The following GALNTL6 variants were observed in gnomAD, a reference collection of about 807,000 sequenced individuals.
GALNTL6 encodes polypeptide N-acetylgalactosaminyltransferase like 6, also known as polypeptide N-acetylgalactosaminyltransferase-like 6.
In GALNTL6, 46 loss-of-function variants were observed where a neutral mutation model predicts 73.7. That is an observed-to-expected ratio of 0.62 (90% CI 0.49 to 0.80). The LOEUF (loss-of-function observed/expected upper bound fraction) is 0.80. Among genes scored for constraint, GALNTL6 ranks in the 30% least tolerant of loss-of-function variants. The probability of loss-of-function intolerance (pLI) is 0.00; values close to 1 mark genes in which losing one functional copy is unlikely to be tolerated. For synonymous variants in GALNTL6, 259 were observed against 263.7 expected, an observed-to-expected ratio of 0.98 and a Z score of 0.17; for missense variants, 604 against 755.0, an observed-to-expected ratio of 0.80 and a Z score of 2.34.
intron 5 of GALNTL6, among the ~76,000 whole-genome samples, chr4:172,695,287 G>T (rs2111270169): frequency 6.6e-6 from 1 of 152,298 alleles, no homozygotes; most frequent in Admixed American, 6.5e-5. Flanking sequence ...AACAATGACA[G>T]AAATGATGTA....
At position 171,923,786 on chromosome 4, in the gene GALNTL6, C is replaced by CTCTGTGTGTGTGTG. The variant is rs1189195927; in HGVS notation, c.138+109069_138+109070insCTGTGTGTGTGTGT. Among the ~76,000 whole-genome samples the CTCTGTGTGTGTGTG allele has an allele frequency of 6.2e-3, 829 of 133,290 alleles. 16 individuals are homozygous for CTCTGTGTGTGTGTG. The highest frequency in any genetic ancestry group is 0.023 in the African/African-American group (783 of 34,268). 87.4% of individuals were successfully genotyped at this position (133,290 alleles called of 152,430 possible). A position where few individuals can be genotyped will look rare whatever the true frequency, so the allele number is the denominator to read the frequency against. On this transcript the variant is annotated intron_variant, in intron 2 of 12. Transcript: ENST00000506823. ...CTACCAGGACACACAAAAAGTATTGCTGTGTGTGTGTGTGTGTGTGTGTGT... is the reference window on the plus strand; with the variant it reads ...CTACCAGGACACACAAAAAGTATTGCTCTGTGTGTGTGTGTGTGTGTGTGTGTGTGTGTGTGTGT...
chr4:172,387,148 C>A (rs1181604721), intron 5 of GALNTL6, among the ~76,000 whole-genome samples: 2 of 152,130 alleles, frequency 1.3e-5, no homozygotes, highest in African/African-American at 2.4e-5. Flanking sequence ...CTCCAAATAA[C>A]CTTCTATGGG....
intron 5 of GALNTL6, among the ~76,000 whole-genome samples, chr4:172,563,549 G>A (rs1482670626): frequency 6.6e-6 from 1 of 152,142 alleles, no homozygotes; most frequent in Non-Finnish European, 1.5e-5. Context: ...AATTGTGTTA[G>A]TTACTATACT....
At chr4:172,609,498 G>T (rs977754565) in intron 5 of GALNTL6, among the ~76,000 whole-genome samples, 11 of 152,036 alleles carry the variant, frequency 7.2e-5, no homozygotes, top group South Asian at 2.1e-4. Context: ...AAACCTACTT[G>T]ATCATGGCGC....
chr4:172,307,560 G>T (rs545063205), intron 3 of GALNTL6, among the ~76,000 whole-genome samples: 1 of 152,186 alleles, frequency 6.6e-6, no homozygotes, highest in African/African-American at 2.4e-5. Flanking sequence ...ATCCAGTTTT[G>T]TTCTTCTATA....
chr4:172,277,925 A>G (rs1015096774), intron 3 of GALNTL6, among the ~76,000 whole-genome samples: 2 of 152,148 alleles, frequency 1.3e-5, no homozygotes, highest in Non-Finnish European at 2.9e-5. Context: ...TTAAAACACA[A>G]AGAAGAGTAG....
chr4:171,856,404 C>T (rs555226467), intron 2 of GALNTL6, among the ~76,000 whole-genome samples: 1 of 152,116 alleles, frequency 6.6e-6, no homozygotes, highest in South Asian at 2.1e-4. Context: ...TGTGAGCCAC[C>T]CCACCCTGCT....
intron 2 of GALNTL6, among the ~76,000 whole-genome samples, chr4:171,917,960 A>AT (rs2110973464): frequency 6.6e-6 from 1 of 152,192 alleles, no homozygotes; most frequent in South Asian, 2.1e-4. Context: ...TATGATAGCT[A>AT]TTTTTTGTAT....
At chr4:172,284,417 C>T (rs546111650) in intron 3 of GALNTL6, among the ~76,000 whole-genome samples, 1 of 151,616 alleles carries the variant, frequency 6.6e-6, no homozygotes, top group Non-Finnish European at 1.5e-5. Flanking sequence ...ACCATGTGCA[C>T]CCCACCACAC....
At chr4:172,157,291 C>A (rs1476850073) in intron 2 of GALNTL6, among the ~76,000 whole-genome samples, 1 of 152,184 alleles carries the variant, frequency 6.6e-6, no homozygotes, top group African/African-American at 2.4e-5. Flanking sequence ...ATGCAGCCTA[C>A]AAATGATTCA....
chr4:172,931,402 T>C, intron 9 of GALNTL6, 134 bp downstream of exon 9: 2 of 646,066 alleles, frequency 3.1e-6, no homozygotes, highest in East Asian at 5.2e-5. Context: ...CAGAGTCTTA[T>C]TTCCATTGCT....
intron 5 of GALNTL6, among the ~76,000 whole-genome samples, chr4:172,604,923 C>T (rs796328167): frequency 4.6e-5 from 7 of 152,294 alleles, no homozygotes; most frequent in African/African-American, 1.7e-4. Flanking sequence ...GAAGGGCTCC[C>T]AGTGTGACCA....
chr4:172,777,581 A>G (rs1739141519), intron 5 of GALNTL6, among the ~76,000 whole-genome samples: 2 of 152,350 alleles, frequency 1.3e-5, no homozygotes, highest in South Asian at 4.1e-4. Context: ...TTTGCATTGT[A>G]TCTGACTCTT....
intron 2 of GALNTL6, among the ~76,000 whole-genome samples, chr4:172,158,236 A>G (rs1035794953): frequency 6.6e-6 from 1 of 152,168 alleles, no homozygotes; most frequent in African/African-American, 2.4e-5. Context: ...TGATATCTTT[A>G]CGTGGCAGCA....
intron 2 of GALNTL6, among the ~76,000 whole-genome samples, chr4:171,952,378 T>G (rs1253310071): frequency 1.3e-5 from 2 of 151,976 alleles, no homozygotes; most frequent in Admixed American, 6.6e-5. Flanking sequence ...TTCTCCTTCT[T>G]ATTCAAATGG....
At chr4:172,606,652 GTA>G (rs1429854438) in intron 5 of GALNTL6, among the ~76,000 whole-genome samples, 4 of 34,772 alleles carry the variant, frequency 1.2e-4, no homozygotes, top group African/African-American at 2.4e-4. Context: ...TATATATATA[GTA>G]TATATATACT....
At chr4:172,864,014 A>G (rs1166235148) in intron 7 of GALNTL6, among the ~76,000 whole-genome samples, 1 of 152,118 alleles carries the variant, frequency 6.6e-6, no homozygotes, top group Admixed American at 6.6e-5. Flanking sequence ...GATGCACACA[A>G]TTCCCCTGCA....
At chr4:172,726,481 C>T (rs944607330) in intron 5 of GALNTL6, among the ~76,000 whole-genome samples, 1 of 152,178 alleles carries the variant, frequency 6.6e-6, no homozygotes, top group East Asian at 1.9e-4. Context: ...TTCAGCCAAG[C>T]AATCTGAAGC....
intron 2 of GALNTL6, among the ~76,000 whole-genome samples, chr4:172,021,417 T>G (rs1010095632): frequency 6.6e-6 from 1 of 151,984 alleles, no homozygotes; most frequent in East Asian, 1.9e-4. Flanking sequence ...ATGAAAACTA[T>G]AAGACATTGA....
Sources: allele counts gnomAD v4.1 joint callset (sites outside exome capture counted in the v4.1 genomes callset), GRCh38; gene constraint gnomAD v4.1.1; transcripts MANE v1.5; gene names NCBI Gene and HGNC (gene_info 2026-07-23, HGNC 2026-07-21).